The following AGBL1 variants were observed in gnomAD, a reference collection of about 807,000 sequenced individuals.
The protein encoded by AGBL1 is AGBL carboxypeptidase 1, also known as cytosolic carboxypeptidase 4.
A neutral mutation model predicts 118.9 loss-of-function variants in AGBL1; 130 were observed. That is an observed-to-expected ratio of 1.09 (90% confidence interval 0.95 to 1.26). The LOEUF (loss-of-function observed/expected upper bound fraction) is 1.26, where lower values mean the gene tolerates loss of function less well. AGBL1 is among the 50% of genes most tolerant of loss of function. The pLI, the probability that AGBL1 is intolerant of heterozygous loss-of-function variation, is 0.00. For missense variants in AGBL1, 1,584 were observed against 1,298.1 expected (o/e 1.22, Z -3.38); for synonymous variants, 555 against 478.9 (o/e 1.16, Z -2.08).
intron 5 of AGBL1, among the ~76,000 whole-genome samples, chr15:86,219,439 T>C (rs2078243361): frequency 6.6e-6 from 1 of 152,152 alleles, no homozygotes; most frequent in Non-Finnish European, 1.5e-5. Flanking sequence ...CACCATCCCA[T>C]CAGTTAGATC....
At chr15:86,293,227 C>T (rs2079576486) in intron 16 of AGBL1, among the ~76,000 whole-genome samples, 1 of 152,136 alleles carries the variant, frequency 6.6e-6, no homozygotes, top group Non-Finnish European at 1.5e-5. Context: ...AATGTAGTGG[C>T]TTCAACAGGA....
At position 86,827,185 on chromosome 15, in the gene AGBL1, G is replaced by A. The variant is rs535338987; in HGVS notation, c.3159-79902G>A. ...TTCTAAGCTGACACCAATACCAGGG[G>A]ACCTAAAATGCCTTCACATTTCTCT... On this transcript the variant is annotated intron_variant, in intron 22 of 22. Coordinates refer to ENST00000614907, the MANE Select transcript of AGBL1 (RefSeq NM_001386094.1). 7.1e-4 allele frequency among the ~76,000 whole-genome samples: 104 copies of A among 147,494 alleles called. No individual in the cohort carries two copies. In the South Asian group the frequency reaches 7.4e-3, roughly 11 times the overall value.
chr15:86,110,781 G>T (rs892790182), intron 1 of AGBL1, among the ~76,000 whole-genome samples: 1 of 152,158 alleles, frequency 6.6e-6, no homozygotes, highest in African/African-American at 2.4e-5. Flanking sequence ...TGGTTGATTC[G>T]GTGAACAGTT....
intron 3 of AGBL1, among the ~76,000 whole-genome samples, chr15:86,148,533 G>A (rs1178639637): frequency 6.6e-6 from 1 of 152,152 alleles, no homozygotes; most frequent in African/African-American, 2.4e-5. Flanking sequence ...ATCAGTGACT[G>A]AAGATCAAAT....
chr15:86,441,006 T>C lies in AGBL1; in HGVS notation c.2555+43460T>C, dbSNP rs113847065. On this transcript the variant is annotated intron_variant, in intron 18 of 22. Coordinates refer to ENST00000614907, the MANE Select transcript of AGBL1 (RefSeq NM_001386094.1). ...ACATTAGAGCAAGGGTCAGGACAGATGGAGTAAAGACCTAACATTTAGAAT... is the reference window on the plus strand; with the variant it reads ...ACATTAGAGCAAGGGTCAGGACAGACGGAGTAAAGACCTAACATTTAGAAT... 1.7e-3 allele frequency among the ~76,000 whole-genome samples: 263 copies of C among 152,220 alleles called. 2 individuals carry two copies. Among genetic ancestry groups the C allele is most frequent in the African/African-American group, 6.2e-3 (257 of 41,528 alleles).
In AGBL1 at chr15:86,642,750, C is replaced by T. The variant is rs951959104; in HGVS notation, c.2995-31523C>T. On this transcript the variant is annotated intron_variant, in intron 21 of 22. Transcript: ENST00000614907. ...TTGGTTTTTATTTAAGATTTCACAT[C>T]TATGTTCGCAATTTCATTTTATTTT... is the stretch of plus-strand genomic sequence containing the variant. 3.3e-5 allele frequency among the ~76,000 whole-genome samples: 5 copies of T among 152,152 alleles called. No homozygotes were observed. The South Asian group carries it at 6.2e-4, about 19-fold the overall frequency.
intron 3 of AGBL1, among the ~76,000 whole-genome samples, chr15:86,144,998 C>T (rs949944964): frequency 1.1e-4 from 17 of 152,010 alleles, no homozygotes; most frequent in Non-Finnish European, 1.3e-4. Context: ...GTTCCATGCC[C>T]CTCTCCTCTG....
At chr15:86,129,883 T>C (rs1053527591) in intron 1 of AGBL1, among the ~76,000 whole-genome samples, 2 of 152,140 alleles carry the variant, frequency 1.3e-5, no homozygotes, top group African/African-American at 4.8e-5. Context: ...CAGAAAGGCA[T>C]AAATTTAAAA....
At chr15:86,134,604 CTTTTTTTTTTTTTTTT>C (rs141645590) in intron 1 of AGBL1, among the ~76,000 whole-genome samples, 1 of 84,614 alleles carries the variant, frequency 1.2e-5, no homozygotes, top group Non-Finnish European at 2.4e-5. Context: ...TCAATGGTGC[CTTTTTTTTTTTTTTTT>C]TTTTTTTTTT....
intron 21 of AGBL1, among the ~76,000 whole-genome samples, chr15:86,636,015 T>C (rs1413616035): frequency 1.3e-5 from 2 of 152,110 alleles, no homozygotes; most frequent in African/African-American, 4.8e-5. Flanking sequence ...ATGAACCATA[T>C]AAGTGGGTAC....
At chr15:86,316,369 C>G (rs573716706) in intron 17 of AGBL1, among the ~76,000 whole-genome samples, 1 of 152,160 alleles carries the variant, frequency 6.6e-6, no homozygotes. Context: ...CTCTCCTACA[C>G]GGCTTATACT....
chr15:86,230,059 G>A (rs2078430780), intron 6 of AGBL1, among the ~76,000 whole-genome samples: 1 of 152,154 alleles, frequency 6.6e-6, no homozygotes, highest in South Asian at 2.1e-4. Flanking sequence ...AGATGTAAAA[G>A]AGCTAATGGG....
intron 21 of AGBL1, among the ~76,000 whole-genome samples, chr15:86,614,232 A>G (rs1017046485): frequency 1.3e-5 from 2 of 152,144 alleles, no homozygotes; most frequent in African/African-American, 4.8e-5. Flanking sequence ...GGTTGAAATC[A>G]TTTACTGACC....
At chr15:86,429,575 G>A (rs570358056) in intron 18 of AGBL1, among the ~76,000 whole-genome samples, 60 of 152,288 alleles carry the variant, frequency 3.9e-4, no homozygotes, top group Non-Finnish European at 5.6e-4. Context: ...TCCTGGGACC[G>A]TAACTTCAAT....
At position 86,118,005 on chromosome 15, in the gene AGBL1, C is replaced by T. The variant is rs76589530; in HGVS notation, c.52-23999C>T. Among the ~76,000 whole-genome samples, 391 of 152,342 alleles carry T rather than the reference C, an allele frequency of 2.6e-3. 3 individuals carry two copies. The highest frequency in any genetic ancestry group is 3.5e-3 in the Non-Finnish European group (239 of 68,030). On this transcript the variant is annotated intron_variant, in intron 1 of 22. Transcript: ENST00000614907. The stretch of plus-strand genomic sequence containing the variant: ...ATCTTCTTGATTTGAAAAGTCTCTG[C>T]TTATTCCAGTGTTTGTGCTGTCACA...
At chr15:86,296,248 A>AC (rs2079639272) in intron 17 of AGBL1, 1 of 151,960 alleles carries the variant, frequency 6.6e-6, no homozygotes, top group African/African-American at 2.4e-5. Flanking sequence ...CAAAAAAAAA[A>AC]CACCCAAAGA....
intron 5 of AGBL1, among the ~76,000 whole-genome samples, chr15:86,207,269 CT>C (rs1183038199): frequency 6.6e-6 from 1 of 152,142 alleles, no homozygotes; most frequent in Non-Finnish European, 1.5e-5. Flanking sequence ...GTTCTTTTTG[CT>C]TAGGATTGTC....
chr15:86,144,835 T>A (rs969505343), intron 3 of AGBL1, among the ~76,000 whole-genome samples: 8 of 152,106 alleles, frequency 5.3e-5, no homozygotes, highest in African/African-American at 1.9e-4. Flanking sequence ...AAAAATAAAG[T>A]CTATAATATA....
chr15:86,653,595 C>T (rs566129324), intron 21 of AGBL1, among the ~76,000 whole-genome samples: 17 of 152,280 alleles, frequency 1.1e-4, no homozygotes, highest in Middle Eastern at 6.8e-3. Flanking sequence ...AATAAAAGCA[C>T]CAAGGCCTTC....
Sources: allele counts gnomAD v4.1 joint callset (sites outside exome capture counted in the v4.1 genomes callset), GRCh38; gene constraint gnomAD v4.1.1; transcripts MANE v1.5; gene names NCBI Gene and HGNC (gene_info 2026-07-23, HGNC 2026-07-21).